ITPR2: variants seen among roughly 807,000 people sequenced by gnomAD.
ITPR2 encodes the protein inositol 1,4,5-trisphosphate-gated calcium channel ITPR2.
Under a neutral mutation model 317.1 loss-of-function variants are expected in ITPR2, and 207 were observed. That is an observed-to-expected ratio of 0.65 (90% CI 0.58 to 0.73). ITPR2 has a LOEUF of 0.73. ITPR2 is among the 30% of genes least tolerant of loss of function. The probability of loss-of-function intolerance (pLI) is 0.00; values close to 1 mark genes in which losing one functional copy is unlikely to be tolerated. For synonymous variants in ITPR2, 1,156 were observed against 1,149.1 expected, an observed-to-expected ratio of 1.01 and a Z score of -0.12; for missense variants, 2,613 against 3,284.0, an observed-to-expected ratio of 0.80 and a Z score of 4.99.
rs562448753 is a variant in ITPR2 at position 26,762,223 on chromosome 12, A to C, written c.163+27934T>G. On this transcript the variant is annotated intron_variant, in intron 2 of 56. Coordinates refer to ENST00000381340, the MANE Select transcript of ITPR2 (RefSeq NM_002223.4). ...ACTTCCCTAATTTGGACAGGAAATG[A>C]ACATCCAGATTCATGAATTCCAAAT... is the stretch of plus-strand genomic sequence containing the variant. 2.6e-5 allele frequency among the ~76,000 whole-genome samples: 4 copies of C among 152,368 alleles called. No homozygotes were observed. The South Asian group carries it at 8.3e-4, about 32-fold the overall frequency.
chr12:26,398,716 A>C (rs17470625), intron 54 of ITPR2, among the ~76,000 whole-genome samples, 160 bp downstream of exon 54: 5,567 of 152,284 alleles, frequency 0.037, 146 homozygotes, highest in Middle Eastern at 0.078. Context: ...TTATAGAAGC[A>C]GAGAATTCCA....
At chr12:26,406,127 A>T (rs1212281418) in intron 52 of ITPR2, among the ~76,000 whole-genome samples, 1 of 152,142 alleles carries the variant, frequency 6.6e-6, no homozygotes, top group African/African-American at 2.4e-5. Context: ...AACGAGAAAA[A>T]AAATTTAAAA....
intron 55 of ITPR2, among the ~76,000 whole-genome samples, chr12:26,345,908 A>G (rs1366672936): frequency 6.6e-6 from 1 of 152,338 alleles, no homozygotes; most frequent in African/African-American, 2.4e-5. Flanking sequence ...TTCTTGGTTT[A>G]CTCATGCATG....
intron 21 of ITPR2, among the ~76,000 whole-genome samples, chr12:26,650,179 C>T (rs528941054): frequency 2.0e-5 from 3 of 151,850 alleles, no homozygotes; most frequent in Non-Finnish European, 4.4e-5. Context: ...ATAAACAGGA[C>T]GGTGGAGAGA....
rs78395223 is a variant in ITPR2, at chr12:26,394,775, C to T, written c.7696+4101G>A. 3.3e-3 allele frequency among the ~76,000 whole-genome samples: 506 copies of T among 152,058 alleles called. 2 individuals carry two copies. Among genetic ancestry groups the T allele is most frequent in the African/African-American group, 0.012 (488 of 41,458 alleles). ...ATTTGGGGTTGTGAGCCCGGGTTAGCCTGAAAAACTAAGATGTGGCTGTGG... is the reference window on the plus strand; with the variant it reads ...ATTTGGGGTTGTGAGCCCGGGTTAGTCTGAAAAACTAAGATGTGGCTGTGG... On this transcript the variant is annotated intron_variant, in intron 54 of 56. Coordinates refer to ENST00000381340, the MANE Select transcript of ITPR2 (RefSeq NM_002223.4).
At chr12:26,529,218 G>T (rs1943888482) in intron 37 of ITPR2, among the ~76,000 whole-genome samples, 1 of 152,164 alleles carries the variant, frequency 6.6e-6, no homozygotes, top group Admixed American at 6.5e-5. Flanking sequence ...ATGGCTTTCT[G>T]TCTAATGCTG....
At chr12:26,592,774 T>C (rs1349424961) in intron 32 of ITPR2, among the ~76,000 whole-genome samples, 1 of 152,234 alleles carries the variant, frequency 6.6e-6, no homozygotes, top group African/African-American at 2.4e-5. Flanking sequence ...ATAACTTTGT[T>C]GGAACATCTG....
chr12:26,663,579 AAAGTGAAATTTCCC>A, intron 15 of ITPR2, 92 bp downstream of exon 15: 3 of 1,091,812 alleles, frequency 2.7e-6, no homozygotes, highest in Non-Finnish European at 3.9e-6. Context: ...ATTTCATTTC[AAAGTGAAATTTCCC>A]ATTCCTACTT....
At chr12:26,340,039 A>C (rs1938053923) in intron 56 of ITPR2, 128 bp downstream of exon 56, 1 of 825,120 alleles carries the variant, frequency 1.2e-6, no homozygotes, top group Admixed American at 3.0e-5. Context: ...GTACAACGTG[A>C]GGTTTCTTTC....
Position 26,715,287 on chromosome 12 carries a change from A to C in ITPR2, c.855+12T>G, listed in dbSNP as rs758186305. Reference sequence around the variant, plus strand: ...CTAAATATTTATTAAGTGCCAAAAAACATTTACATACCTCTATTTCCCAGA... The same window carrying C: ...CTAAATATTTATTAAGTGCCAAAAACCATTTACATACCTCTATTTCCCAGA... On this transcript the variant is annotated intron_variant, in intron 8 of 56. Coordinates refer to ENST00000381340, the MANE Select transcript of ITPR2 (RefSeq NM_002223.4). 1.2e-6 allele frequency: 2 copies of C among 1,601,130 alleles called. No homozygotes were observed. Among genetic ancestry groups the C allele is most frequent in the African/African-American group, 2.7e-5 (2 of 73,958 alleles).
intron 1 of ITPR2, among the ~76,000 whole-genome samples, chr12:26,807,372 A>C (rs1950657213): frequency 6.6e-6 from 1 of 152,208 alleles, no homozygotes; most frequent in African/African-American, 2.4e-5. Context: ...TACATTGCAA[A>C]GTATTTCCTT....
At chr12:26,815,476 C>T (rs984911760) in intron 1 of ITPR2, among the ~76,000 whole-genome samples, 1 of 152,060 alleles carries the variant, frequency 6.6e-6, no homozygotes, top group South Asian at 2.1e-4. Context: ...TTACTATGTT[C>T]TAATCGGGAT....
At chr12:26,600,723 A>G (rs1046787104) in intron 28 of ITPR2, among the ~76,000 whole-genome samples, 4 of 146,982 alleles carry the variant, frequency 2.7e-5, no homozygotes, top group Non-Finnish European at 4.5e-5. Flanking sequence ...CCTATCTATT[A>G]TTTCTTCTGC....
chr12:26,759,161 C>G (rs1224625524), intron 2 of ITPR2, among the ~76,000 whole-genome samples: 1 of 152,172 alleles, frequency 6.6e-6, no homozygotes, highest in Admixed American at 6.5e-5. Flanking sequence ...AAGAAACACC[C>G]CCTCCCCAGA....
chr12:26,486,264 T>C lies in ITPR2; in HGVS notation c.5651A>G (p.Glu1884Gly). ...CATAATGTCTATTTCTGGATCCATT[T>C]CTCTTCTGTATACACAATATGCTTT... ...TSKAYCVYRR[E>G]MDPEIDIMCT... Residue 1884 changes from glutamate (E) to glycine (G), a missense_variant, in exon 41 of 57, where the codon GAA becomes GGA. Physicochemically the swap from Glu to Gly is moderately conservative, Grantham distance 98. Around this residue, in one of 9 missense-constraint regions of ITPR2, gnomAD observed 926 missense variants for 1,072.8 expected, o/e 0.86. Coordinates refer to ENST00000381340, the MANE Select transcript of ITPR2 (RefSeq NM_002223.4). The C allele has an allele frequency of 6.2e-7, 1 of 1,614,178 alleles. No individual in the cohort carries two copies. Among genetic ancestry groups the C allele is most frequent in the Non-Finnish European group, 8.5e-7 (1 of 1,180,018 alleles).
At chr12:26,770,487 G>A (rs1015788668) in intron 2 of ITPR2, among the ~76,000 whole-genome samples, 4 of 152,130 alleles carry the variant, frequency 2.6e-5, no homozygotes, top group Non-Finnish European at 5.9e-5. Flanking sequence ...TCTTCTCTGT[G>A]CTTCTACAGT....
At chr12:26,605,097 A>T (rs897898800) in intron 26 of ITPR2, among the ~76,000 whole-genome samples, 15 of 102,392 alleles carry the variant, frequency 1.5e-4, no homozygotes, top group Admixed American at 4.2e-4. Context: ...CAAAAAAAAA[A>T]AAAATAAAAA....
chr12:26,775,933 C>T (rs867050718), intron 2 of ITPR2, among the ~76,000 whole-genome samples: 2 of 85,386 alleles, frequency 2.3e-5, no homozygotes, highest in African/African-American at 6.2e-5. Flanking sequence ...CTCCCCTTTA[C>T]ATATATATAT....
intron 1 of ITPR2, among the ~76,000 whole-genome samples, chr12:26,810,323 T>C (rs891109713): frequency 1.3e-5 from 2 of 152,214 alleles, no homozygotes; most frequent in Admixed American, 6.5e-5. Flanking sequence ...TATATTTCAG[T>C]GTTAAATCAG....
Sources: allele counts gnomAD v4.1 joint callset (sites outside exome capture counted in the v4.1 genomes callset), GRCh38; gene constraint gnomAD v4.1.1; regional missense constraint gnomAD v4.1.1; transcripts MANE v1.5; gene names NCBI Gene and HGNC (gene_info 2026-07-23, HGNC 2026-07-21).